The following CACNB4 variants were observed in gnomAD, a reference collection of about 807,000 sequenced individuals.
The protein encoded by CACNB4 is calcium voltage-gated channel auxiliary subunit beta 4, also known as voltage-dependent L-type calcium channel subunit beta-4.
A neutral mutation model predicts 71.2 loss-of-function variants in CACNB4; 32 were observed. That is an observed-to-expected ratio of 0.45 (90% CI 0.34 to 0.60). The LOEUF is 0.60. Ranked by LOEUF, CACNB4 falls within the 20% of genes least tolerant of loss-of-function variation. The pLI is 0.01. For missense variants in CACNB4, 464 were observed against 647.9 expected, an observed-to-expected ratio of 0.72 and a Z score of 3.08; for synonymous variants, 231 against 236.9, an observed-to-expected ratio of 0.97 and a Z score of 0.23.
chr2:151,951,582 A>G (rs2099866921), intron 2 of CACNB4, among the ~76,000 whole-genome samples: 1 of 152,214 alleles, frequency 6.6e-6, no homozygotes, highest in Non-Finnish European at 1.5e-5. Flanking sequence ...AAGTCAGGGC[A>G]ATAAGATGAG....
At chr2:152,029,469 G>A (rs1684146896) in intron 2 of CACNB4, among the ~76,000 whole-genome samples, 3 of 137,816 alleles carry the variant, frequency 2.2e-5, no homozygotes, top group South Asian at 4.5e-4. Context: ...ACTCTAGCCT[G>A]GGCAACAGAG....
rs944650029 is a variant in CACNB4, at chr2:151,932,291, G to A, written c.148-48921C>T. Among the ~76,000 whole-genome samples, 6 of 152,026 alleles carry A rather than the reference G, an allele frequency of 3.9e-5. No individual in the cohort carries two copies. In the South Asian group the frequency reaches 1.2e-3, roughly 32 times the overall value. On this transcript the variant is annotated intron_variant, in intron 2 of 13. Transcript: ENST00000539935. Reference sequence around the variant, plus strand: ...GGCCACTGAGAAAGTAACACATCTTGGAAGAAAGAATCTGTGCCAGGATGA... The same window carrying A: ...GGCCACTGAGAAAGTAACACATCTTAGAAGAAAGAATCTGTGCCAGGATGA...
intron 2 of CACNB4, among the ~76,000 whole-genome samples, chr2:151,963,866 G>C (rs1165403447): frequency 1.3e-5 from 2 of 151,962 alleles, no homozygotes; most frequent in African/African-American, 4.8e-5. Context: ...TCAGGAGTTC[G>C]AGACCAGCCT....
intron 2 of CACNB4, among the ~76,000 whole-genome samples, chr2:151,931,683 C>A (rs191123832): frequency 1.3e-5 from 2 of 152,226 alleles, no homozygotes; most frequent in African/African-American, 4.8e-5. Flanking sequence ...GGAAATCCTT[C>A]TAGATATTCC....
chr2:151,940,272 T>A (rs904006494), intron 2 of CACNB4, among the ~76,000 whole-genome samples: 1 of 152,168 alleles, frequency 6.6e-6, no homozygotes, highest in African/African-American at 2.4e-5. Flanking sequence ...CCAAACAGCA[T>A]GACACAGGAG....
At chr2:151,957,257 CGTGTGTGTGT>C (rs1553791572) in intron 2 of CACNB4, among the ~76,000 whole-genome samples, 25 of 131,868 alleles carry the variant, frequency 1.9e-4, no homozygotes, top group East Asian at 1.7e-3. Flanking sequence ...AGTGGCTGGG[CGTGTGTGTGT>C]GTGTGTGTGT....
At chr2:152,085,031 A>AG (rs1447813823) in intron 2 of CACNB4, among the ~76,000 whole-genome samples, 1 of 152,198 alleles carries the variant, frequency 6.6e-6, no homozygotes, top group Non-Finnish European at 1.5e-5. Context: ...ACAGAGAAGG[A>AG]GACCTAGTGC....
chr2:151,846,516 GTTTAAT>G lies in CACNB4; in HGVS notation c.1117-4434_1117-4429del, dbSNP rs148000257. On this transcript the variant is annotated intron_variant, in intron 12 of 13. Transcript: ENST00000539935. ...ATAAACTGTAGAAACTAATTTTGCA[GTTTAAT>G]TTTAACTTTTGTTTGTTTGTTTTTT... is the stretch of plus-strand genomic sequence containing the variant. 3.4e-3 allele frequency among the ~76,000 whole-genome samples: 513 copies of G among 152,132 alleles called. 1 individual carries two copies. Among genetic ancestry groups the G allele is most frequent in the African/African-American group, 0.011 (473 of 41,502 alleles).
chr2:151,967,674 T>C (rs2099871520), intron 2 of CACNB4: 1 of 44,424 alleles, frequency 2.3e-5, no homozygotes, highest in African/African-American at 4.1e-5. Flanking sequence ...AGAACTGTTG[T>C]TTTTTTTTTT....
At chr2:151,844,699 C>CA (rs2099837089) in intron 12 of CACNB4, among the ~76,000 whole-genome samples, 1 of 152,148 alleles carries the variant, frequency 6.6e-6, no homozygotes, top group African/African-American at 2.4e-5. Flanking sequence ...GAGACAAGGA[C>CA]AGCTACACCC....
chr2:152,018,806 A>AACACACACAC (rs10600477), intron 2 of CACNB4, among the ~76,000 whole-genome samples: 33,342 of 146,428 alleles, frequency 0.23, 3,975 homozygotes, highest in Admixed American at 0.36. Flanking sequence ...CCTGTCTCAA[A>AACACACACAC]ACACACACAC....
At chr2:151,945,968 A>G (rs1036376201) in intron 2 of CACNB4, among the ~76,000 whole-genome samples, 2 of 151,692 alleles carry the variant, frequency 1.3e-5, no homozygotes, top group African/African-American at 4.8e-5. Context: ...CACTACATAA[A>G]TGTTAGCTAT....
chr2:152,014,618 G>T (rs182267613), intron 2 of CACNB4, among the ~76,000 whole-genome samples: 3 of 151,350 alleles, frequency 2.0e-5, no homozygotes, highest in African/African-American at 7.3e-5. Flanking sequence ...ATAATCCCAG[G>T]TACTCAGGAG....
At chr2:151,955,815 T>C (rs974536632) in intron 2 of CACNB4, among the ~76,000 whole-genome samples, 2 of 151,918 alleles carry the variant, frequency 1.3e-5, no homozygotes, top group African/African-American at 4.8e-5. Context: ...GGTGGGAGGA[T>C]TGCTTGAGCC....
At chr2:152,094,940 T>G (rs992205841) in intron 2 of CACNB4, among the ~76,000 whole-genome samples, 1 of 152,264 alleles carries the variant, frequency 6.6e-6, no homozygotes, top group Non-Finnish European at 1.5e-5. Flanking sequence ...CATTCCTTTC[T>G]AATTTGGGCC....
intron 2 of CACNB4, among the ~76,000 whole-genome samples, chr2:152,060,063 G>A (rs1685927598): frequency 6.6e-6 from 1 of 152,192 alleles, no homozygotes; most frequent in African/African-American, 2.4e-5. Flanking sequence ...CCCAAGACAT[G>A]TGGAACTGTG....
intron 9 of CACNB4, chr2:151,861,851 A>AAAAAAACAAAAAAAAAAAAAAAC (rs1553750171): frequency 4.4e-5 from 6 of 135,288 alleles, no homozygotes; most frequent in African/African-American, 1.4e-4. Context: ...TCAAAAAAAA[A>AAAAAAACAAAAAAAAAAAAAAAC]AAAAAAACTG....
At chr2:151,886,143 T>C (rs988846280) in intron 2 of CACNB4, among the ~76,000 whole-genome samples, 4 of 152,096 alleles carry the variant, frequency 2.6e-5, no homozygotes, top group African/African-American at 9.7e-5. Context: ...CAAAAACAGT[T>C]TGGAGTTAGT....
intron 2 of CACNB4, among the ~76,000 whole-genome samples, chr2:151,910,284 A>T (rs904907279): frequency 6.6e-6 from 1 of 152,138 alleles, no homozygotes; most frequent in South Asian, 2.1e-4. Context: ...CCTTTGTCAC[A>T]TGGGTAGATT....
Sources: gnomAD v4.1 joint callset for allele counts (sites outside exome capture counted in the v4.1 genomes callset) on GRCh38, gnomAD v4.1.1 for gene constraint, MANE v1.5 for transcripts, NCBI Gene and HGNC (gene_info 2026-07-23, HGNC 2026-07-21) for gene names.